The following TEAD1 variants were observed in gnomAD, a reference collection of about 807,000 sequenced individuals.
TEAD1 encodes the protein transcriptional enhancer factor TEF-1.
TEAD1 carries 9 observed loss-of-function variants against 54.9 expected under a neutral mutation model. The ratio of observed to expected loss-of-function variants is 0.16; its 90% CI spans 0.10 to 0.29. The LOEUF (loss-of-function observed/expected upper bound fraction) is 0.29, where lower values mean the gene tolerates loss of function less well. TEAD1 is among the 10% of genes least tolerant of loss of function. The pLI is 1.00. For missense variants in TEAD1, 387 were observed against 535.9 expected (o/e 0.72, Z 2.74); for synonymous variants, 200 against 187.8 (o/e 1.07, Z -0.53).
intron 3 of TEAD1, chr11:12,848,985 T>C (rs1947213059): frequency 6.6e-6 from 1 of 152,018 alleles, no homozygotes; most frequent in African/African-American, 2.4e-5. Flanking sequence ...CACAGTGCTT[T>C]GCATAGTGCT....
chr11:12,804,575 C>G (rs898000365), intron 3 of TEAD1, among the ~76,000 whole-genome samples: 1 of 152,166 alleles, frequency 6.6e-6, no homozygotes, highest in African/African-American at 2.4e-5. Context: ...GAGATCAGTA[C>G]TATGTGATTT....
rs562420844 is a variant in TEAD1, at chr11:12,915,621, G to C, written c.874-9291G>C. Among the ~76,000 whole-genome samples, 12 of 152,362 alleles carry C rather than the reference G, an allele frequency of 7.9e-5. No homozygotes were observed. In the East Asian group the frequency reaches 2.3e-3, roughly 29 times the overall value. ...CCAGCACTTTGGGAGGCCGAGGCAG[G>C]TGGATCACTTGATGTCAGGAGTTCA... On this transcript the variant is annotated intron_variant, in intron 10 of 12. Coordinates refer to ENST00000527636, the MANE Select transcript of TEAD1 (RefSeq NM_021961.6).
chr11:12,675,638 C>T (rs948236102), intron 2 of TEAD1, 77 bp downstream of exon 2: 1 of 152,232 alleles, frequency 6.6e-6, no homozygotes, highest in African/African-American at 2.4e-5. Context: ...GGGTACACTT[C>T]TAGTCTTTGT....
At chr11:12,837,709 C>CTTCTCCTTTCTCCT (rs60351293) in intron 3 of TEAD1, among the ~76,000 whole-genome samples, 14 of 146,482 alleles carry the variant, frequency 9.6e-5, no homozygotes, top group South Asian at 4.4e-4. Flanking sequence ...TCCCTTCTCC[C>CTTCTCCTTTCTCCT]TTCTCCTTCT....
At chr11:12,933,269 T>A (rs1026405123) in intron 12 of TEAD1, among the ~76,000 whole-genome samples, 4 of 152,146 alleles carry the variant, frequency 2.6e-5, no homozygotes, top group African/African-American at 9.7e-5. Flanking sequence ...CTAAATAAAT[T>A]CCTTTAATAT....
intron 2 of TEAD1, among the ~76,000 whole-genome samples, chr11:12,729,033 C>A (rs1281714861): frequency 6.6e-6 from 1 of 152,150 alleles, no homozygotes; most frequent in Non-Finnish European, 1.5e-5. Flanking sequence ...ATTCTGAGGG[C>A]AGGCAGCTGT....
chr11:12,785,044 G>T (rs1390036799), intron 3 of TEAD1, among the ~76,000 whole-genome samples: 2 of 152,166 alleles, frequency 1.3e-5, no homozygotes, highest in Non-Finnish European at 2.9e-5. Flanking sequence ...AGCAAGCCCT[G>T]CCCTCTCTCT....
intron 3 of TEAD1, among the ~76,000 whole-genome samples, chr11:12,784,750 C>T (rs985129318): frequency 6.6e-6 from 1 of 152,166 alleles, no homozygotes; most frequent in Non-Finnish European, 1.5e-5. Flanking sequence ...GATCCTAGTT[C>T]CTCCTTCCCT....
At chr11:12,827,701 C>G (rs1946684614) in intron 3 of TEAD1, among the ~76,000 whole-genome samples, 3 of 152,170 alleles carry the variant, frequency 2.0e-5, no homozygotes, top group Admixed American at 2.0e-4. Flanking sequence ...AGTGACAGTC[C>G]ACACATCCTG....
chr11:12,885,363 G>A (rs1176192249), intron 9 of TEAD1, among the ~76,000 whole-genome samples: 2 of 151,220 alleles, frequency 1.3e-5, no homozygotes, highest in Non-Finnish European at 2.9e-5. Flanking sequence ...AGCCTCCCGA[G>A]TAGCTGGGAC....
chr11:12,823,617 A>C (rs919693518), intron 3 of TEAD1: 1 of 152,190 alleles, frequency 6.6e-6, no homozygotes, highest in Admixed American at 6.6e-5. Flanking sequence ...CTTGATGTGA[A>C]TAATTTATTT....
At chr11:12,819,771 G>A (rs113712928) in intron 3 of TEAD1, among the ~76,000 whole-genome samples, 3 of 152,208 alleles carry the variant, frequency 2.0e-5, no homozygotes, top group Admixed American at 6.5e-5. Context: ...TCTTAAAAGC[G>A]GTCTTATTCT....
intron 9 of TEAD1, among the ~76,000 whole-genome samples, chr11:12,888,963 T>C (rs1183059455): frequency 6.6e-6 from 1 of 152,160 alleles, no homozygotes; most frequent in Non-Finnish European, 1.5e-5. Flanking sequence ...CTGCTGGCTC[T>C]GTGTCATGTG....
chr11:12,864,939 C>T (rs1310760685), intron 5 of TEAD1, 39 bp downstream of exon 5: 4 of 1,606,834 alleles, frequency 2.5e-6, no homozygotes, highest in Non-Finnish European at 3.4e-6. Flanking sequence ...GGTTGCTATG[C>T]ATCTCACTTC....
intron 10 of TEAD1, among the ~76,000 whole-genome samples, chr11:12,920,182 G>T (rs192302133): frequency 3.3e-5 from 5 of 152,266 alleles, no homozygotes; most frequent in African/African-American, 1.2e-4. Context: ...TTAAAAATGC[G>T]TCAGATCTGC....
At chr11:12,750,881 C>G (rs1267591557) in intron 2 of TEAD1, among the ~76,000 whole-genome samples, 1 of 152,148 alleles carries the variant, frequency 6.6e-6, no homozygotes, top group African/African-American at 2.4e-5. Context: ...CCTATTGATT[C>G]CTCCATTGCA....
intron 10 of TEAD1, among the ~76,000 whole-genome samples, chr11:12,920,373 T>A (rs1247609283): frequency 5.9e-5 from 9 of 152,224 alleles, no homozygotes; most frequent in Admixed American, 2.6e-4. Flanking sequence ...GATTATTTTT[T>A]CTGTTTTAAG....
chr11:12,680,883 G>T (rs1943207575), intron 2 of TEAD1, among the ~76,000 whole-genome samples: 1 of 152,182 alleles, frequency 6.6e-6, no homozygotes, highest in South Asian at 2.1e-4. Flanking sequence ...ACCATATGGC[G>T]GATGTGGGCC....
chr11:12,935,300 C>T (rs913007272), intron 12 of TEAD1, among the ~76,000 whole-genome samples: 1 of 152,084 alleles, frequency 6.6e-6, no homozygotes, highest in Non-Finnish European at 1.5e-5. Context: ...TCAGCTCCTT[C>T]CCTGTCAAAG....
Sources: allele counts gnomAD v4.1 joint callset (sites outside exome capture counted in the v4.1 genomes callset), GRCh38; gene constraint gnomAD v4.1.1; transcripts MANE v1.5; gene names NCBI Gene and HGNC (gene_info 2026-07-23, HGNC 2026-07-21).